MRAP2: variants seen among roughly 807,000 people sequenced by gnomAD.
The protein encoded by MRAP2 is melanocortin-2 receptor accessory protein 2.
A neutral mutation model predicts 17.4 loss-of-function variants in MRAP2; 20 were observed. That is an observed-to-expected ratio of 1.15 (90% confidence interval 0.81 to 1.67). The LOEUF (loss-of-function observed/expected upper bound fraction) is 1.67. MRAP2 is among the 40% of genes most tolerant of loss of function. MRAP2 has a pLI of 0.00. For missense variants in MRAP2, 238 were observed against 240.0 expected, an observed-to-expected ratio of 0.99 and a Z score of 0.05; for synonymous variants, 96 against 88.4, an observed-to-expected ratio of 1.09 and a Z score of -0.48.
intron 3 of MRAP2, among the ~76,000 whole-genome samples, chr6:84,086,730 G>C (rs2099500561): frequency 6.6e-6 from 1 of 152,196 alleles, no homozygotes; most frequent in African/African-American, 2.4e-5. Context: ...GGTAGCCTCA[G>C]GGGGCAGGAA....
At chr6:84,089,044 G>A (rs765146819) in intron 3 of MRAP2, 47 bp from the exon 4 acceptor site, 3 of 1,546,302 alleles carry the variant, frequency 1.9e-6, no homozygotes, top group Non-Finnish European at 2.6e-6. Flanking sequence ...TTCTGCAGGT[G>A]AATGGGCTGG....
the MRAP2 span, among the ~76,000 whole-genome samples, chr6:84,108,944 G>A: frequency 6.6e-6 from 1 of 152,028 alleles, no homozygotes; most frequent in Non-Finnish European, 1.5e-5. Context: ...CTTTCCCCCT[G>A]GCTTGTTTTT....
chr6:84,081,262 T>C (rs1480408866), intron 3 of MRAP2, among the ~76,000 whole-genome samples: 3 of 152,226 alleles, frequency 2.0e-5, no homozygotes, highest in Non-Finnish European at 4.4e-5. Flanking sequence ...AGTCTTTTTC[T>C]GATGTCTTGG....
At chr6:84,098,367 G>A in the MRAP2 span, among the ~76,000 whole-genome samples, 1 of 152,088 alleles carries the variant, frequency 6.6e-6, no homozygotes. Flanking sequence ...TTTGTTGATG[G>A]ATATTTGGGT....
downstream of MRAP2, among the ~76,000 whole-genome samples, chr6:84,093,765 A>T (rs1391673064): frequency 6.6e-6 from 1 of 152,202 alleles, no homozygotes; most frequent in Admixed American, 6.5e-5. Context: ...GTAGTGACTT[A>T]GTGACTTTTA....
chr6:84,061,674 G>A (rs2099493208), intron 2 of MRAP2: 1 of 604,260 alleles, frequency 1.7e-6, no homozygotes, highest in South Asian at 7.3e-5. Flanking sequence ...CCCTGGTAAG[G>A]TGTGGCTGTG....
the MRAP2 span, among the ~76,000 whole-genome samples, chr6:84,139,397 G>A: frequency 6.6e-6 from 1 of 152,152 alleles, no homozygotes; most frequent in Non-Finnish European, 1.5e-5. Context: ...CTTTTCATGA[G>A]GTTTCTCCTG....
At chr6:84,095,052 G>T (rs1419990354), downstream of MRAP2, among the ~76,000 whole-genome samples, 6 of 152,174 alleles carry the variant, frequency 3.9e-5, no homozygotes, top group African/African-American at 1.4e-4. Context: ...AACAGCAATA[G>T]AAATTAATAT....
rs2099485176 is a variant in MRAP2, at chr6:84,033,793, G to GGGAGGC, written c.-95_-90dup. 1.0e-6 allele frequency: 1 copy of GGGAGGC among 986,602 alleles called. No individual in the cohort carries two copies. Among genetic ancestry groups the GGGAGGC allele is most frequent in the Non-Finnish European group, 1.2e-6 (1 of 830,940 alleles). 61.1% of individuals were successfully genotyped at this position (986,602 alleles called of 1,614,324 possible). A position where few individuals can be genotyped will look rare whatever the true frequency, so the allele number is the denominator to read the frequency against. On this transcript the variant is annotated 5_prime_UTR_variant, in exon 1 of 4. Transcript: ENST00000257776. ...AGCTACTCGCCCGGCCCTGGGCGGT[G>GGGAGGC]GGAGGCGGCGGCGGCGGCGGCGCTC...
the MRAP2 span, among the ~76,000 whole-genome samples, chr6:84,114,941 C>T: frequency 6.6e-6 from 1 of 152,210 alleles, no homozygotes; most frequent in African/African-American, 2.4e-5. Context: ...GTTCCTTTCT[C>T]TGGAAGCTTC....
the MRAP2 span, among the ~76,000 whole-genome samples, chr6:84,126,130 T>C: frequency 6.6e-6 from 1 of 152,100 alleles, no homozygotes. Flanking sequence ...TAGGAATCCA[T>C]CAATAATTAA....
chr6:84,068,965 G>A (rs1206807083), intron 3 of MRAP2, among the ~76,000 whole-genome samples: 9 of 151,562 alleles, frequency 5.9e-5, no homozygotes, highest in South Asian at 4.2e-4. Flanking sequence ...CACTGTGCCC[G>A]GCCTGCTGAA....
chr6:84,055,104 A>C (rs2099491360), intron 1 of MRAP2, among the ~76,000 whole-genome samples: 1 of 152,204 alleles, frequency 6.6e-6, no homozygotes, highest in Non-Finnish European at 1.5e-5. Context: ...CAAATACATT[A>C]TTCCACTCTA....
the MRAP2 span, among the ~76,000 whole-genome samples, chr6:84,104,935 T>C: frequency 6.6e-6 from 1 of 152,118 alleles, no homozygotes; most frequent in African/African-American, 2.4e-5. Flanking sequence ...GTTCCACCAA[T>C]CTCTAGGGCA....
intron 3 of MRAP2, among the ~76,000 whole-genome samples, chr6:84,087,697 C>T (rs977462831): frequency 1.3e-5 from 2 of 152,146 alleles, no homozygotes; most frequent in Non-Finnish European, 2.9e-5. Context: ...TTCTGAATAC[C>T]TGACATAGTA....
In MRAP2 at chr6:84,077,011, A is replaced by G. The variant is rs963536869; in HGVS notation, c.228-12080A>G. 5.3e-5 allele frequency among the ~76,000 whole-genome samples: 8 copies of G among 152,340 alleles called. No individual in the cohort carries two copies. The East Asian group carries it at 1.2e-3, about 22-fold the overall frequency. The stretch of plus-strand genomic sequence containing the variant: ...GAATCAGGGCTTTGGACAAGCCCAC[A>G]GATATAGCTGTTCAGTACATGGTAT... On this transcript the variant is annotated intron_variant, in intron 3 of 3. Transcript: ENST00000257776.
rs763951861 is a variant in MRAP2 at position 84,062,922 on chromosome 6, C to T, written c.157C>T (p.Leu53Phe). Residue 53 changes from leucine to phenylalanine, a missense_variant, in exon 3 of 4, where the codon CTT becomes TTT. Transcript: ENST00000257776. Reference protein sequence around the residue: ...YSIVIGFWVGLAVFVIFMFFV... With the variant: ...YSIVIGFWVGFAVFVIFMFFV... ...CATTGTGATTGGATTTTGGGTTGGT[C>T]TTGCAGTCTTCGTGATTTTTATGTT... The T allele has an allele frequency of 3.1e-6, 5 of 1,614,000 alleles. No homozygotes were observed. The highest frequency in any genetic ancestry group is 1.3e-5 in the African/African-American group (1 of 74,902).
chr6:84,137,271 T>C, the MRAP2 span, among the ~76,000 whole-genome samples: 1 of 152,168 alleles, frequency 6.6e-6, no homozygotes, highest in Non-Finnish European at 1.5e-5. Flanking sequence ...AGTGTGGCCT[T>C]ATGGTTGTTG....
intron 1 of MRAP2, among the ~76,000 whole-genome samples, chr6:84,034,503 C>G (rs556481249): frequency 6.9e-6 from 1 of 145,590 alleles, no homozygotes; most frequent in Non-Finnish European, 1.5e-5. Flanking sequence ...CCCGCTCCCC[C>G]CGCCCGCCCC....
Sources: allele counts gnomAD v4.1 joint callset (sites outside exome capture counted in the v4.1 genomes callset), GRCh38; gene constraint gnomAD v4.1.1; transcripts MANE v1.5; gene names NCBI Gene and HGNC (gene_info 2026-07-23, HGNC 2026-07-21).